The following SLC2A13 variants were observed in gnomAD, a reference collection of about 807,000 sequenced individuals.
SLC2A13 encodes the protein proton myo-inositol cotransporter.
A neutral mutation model predicts 64.4 loss-of-function variants in SLC2A13; 32 were observed. The observed-to-expected ratio is 0.50, with a 90% CI of 0.37 to 0.67. SLC2A13 has a LOEUF of 0.67. SLC2A13 is among the 30% of genes least tolerant of loss of function. The pLI, the probability that SLC2A13 is intolerant of heterozygous loss-of-function variation, is 0.00. For missense variants in SLC2A13, 743 were observed against 829.2 expected (o/e 0.90, Z 1.28); for synonymous variants, 338 against 327.1 (o/e 1.03, Z -0.36).
chr12:39,896,502 G>GTA (rs1402222295), intron 4 of SLC2A13, among the ~76,000 whole-genome samples: 6 of 144,716 alleles, frequency 4.1e-5, no homozygotes, highest in Admixed American at 1.4e-4. Flanking sequence ...ACACATATAT[G>GTA]TATGTACATG....
At chr12:39,942,397 T>C (rs1946047322) in intron 4 of SLC2A13, among the ~76,000 whole-genome samples, 1 of 152,204 alleles carries the variant, frequency 6.6e-6, no homozygotes, top group South Asian at 2.1e-4. Flanking sequence ...CAGTAGTGTT[T>C]TGTAGTTTTC....
intron 1 of SLC2A13, among the ~76,000 whole-genome samples, chr12:40,063,638 G>C (rs1279438724): frequency 6.6e-6 from 1 of 152,086 alleles, no homozygotes; most frequent in African/African-American, 2.4e-5. Context: ...GCAATGAAAT[G>C]ACAATAGCCA....
chr12:39,810,335 AG>A (rs1477283934), intron 7 of SLC2A13, among the ~76,000 whole-genome samples: 1 of 152,214 alleles, frequency 6.6e-6, no homozygotes, highest in Non-Finnish European at 1.5e-5. Flanking sequence ...GCCAATTGTT[AG>A]TAATAGAAAT....
At chr12:39,922,753 T>C (rs766561607) in intron 4 of SLC2A13, among the ~76,000 whole-genome samples, 5 of 152,130 alleles carry the variant, frequency 3.3e-5, no homozygotes, top group Non-Finnish European at 4.4e-5. Flanking sequence ...TCTAGTATTT[T>C]CACTAAATAC....
At chr12:39,802,413 A>T (rs896317060) in intron 7 of SLC2A13, 14 of 152,156 alleles carry the variant, frequency 9.2e-5, no homozygotes, top group African/African-American at 3.1e-4. Context: ...AAAGACTAAG[A>T]TGGTTGATGC....
In SLC2A13 at chr12:40,105,754, G is replaced by A; in HGVS notation, c.55C>T (p.Leu19=). The part of the protein sequence containing the change: ...VEYTLRSLSS[L]MGERRRKQPE... ...TGCTTCCTGCGCCGCTCGCCCATCAGGCTGCTCAGGCTCCGCAGCGTGTAC... is the reference window on the plus strand; with the variant it reads ...TGCTTCCTGCGCCGCTCGCCCATCAAGCTGCTCAGGCTCCGCAGCGTGTAC... Residue 19 remains leucine, a synonymous_variant, in exon 1 of 10, where the codon CTG becomes TTG. Coordinates refer to ENST00000280871, the MANE Select transcript of SLC2A13 (RefSeq NM_052885.4). This position sits in a 1 kb window ranked among gnomAD's most constrained non-coding sequence, Gnocchi z 4.2. The A allele has an allele frequency of 2.0e-6, 3 of 1,490,516 alleles. No individual in the cohort carries two copies. Among genetic ancestry groups the A allele is most frequent in the Non-Finnish European group, 2.7e-6 (3 of 1,120,726 alleles). 92.3% of individuals were successfully genotyped at this position (1,490,516 alleles called of 1,614,324 possible). A position where few individuals can be genotyped will look rare whatever the true frequency, so the allele number is the denominator to read the frequency against.
intron 6 of SLC2A13, among the ~76,000 whole-genome samples, chr12:39,842,734 A>G (rs1044970506): frequency 1.3e-5 from 2 of 152,026 alleles, no homozygotes; most frequent in African/African-American, 2.4e-5. Flanking sequence ...CAATTCCGGA[A>G]CATTTTCATT....
intron 2 of SLC2A13, among the ~76,000 whole-genome samples, chr12:40,029,180 A>C (rs1471999493): frequency 6.6e-6 from 1 of 152,186 alleles, no homozygotes; most frequent in African/African-American, 2.4e-5. Context: ...GGCAAAATTC[A>C]AAATAGCAAA....
chr12:39,790,488 T>C (rs1428487911), intron 7 of SLC2A13, among the ~76,000 whole-genome samples: 16 of 150,978 alleles, frequency 1.1e-4, no homozygotes, highest in Admixed American at 2.6e-4. Flanking sequence ...TTTGTTCTTG[T>C]GATAGTTTGC....
intron 9 of SLC2A13, among the ~76,000 whole-genome samples, chr12:39,760,513 T>C (rs1194858163): frequency 6.6e-6 from 1 of 152,000 alleles, no homozygotes; most frequent in African/African-American, 2.4e-5. Context: ...TTGAAGCCTT[T>C]CCTCCCTTCC....
At chr12:39,936,731 G>C (rs1945924360) in intron 4 of SLC2A13, among the ~76,000 whole-genome samples, 1 of 152,112 alleles carries the variant, frequency 6.6e-6, no homozygotes, top group African/African-American at 2.4e-5. Flanking sequence ...TAAAGGCTCG[G>C]GCAGCCAACT....
At position 39,933,665 on chromosome 12, in the gene SLC2A13, G is replaced by A. The variant is rs181075007; in HGVS notation, c.1034+17592C>T. On this transcript the variant is annotated intron_variant, in intron 4 of 9. Transcript: ENST00000280871. ...TGTGAAGGGTGCCCTGTGGCTCCAG[G>A]CCGTTCAGGAACCATAGCTTTAGTG... Among the ~76,000 whole-genome samples, 23 of 152,300 alleles carry A rather than the reference G, an allele frequency of 1.5e-4. No homozygotes were observed. In the East Asian group the frequency reaches 4.4e-3, roughly 29 times the overall value.
chr12:39,830,377 C>T (rs994623045), intron 6 of SLC2A13, 149 bp from the exon 7 acceptor site: 41 of 1,409,666 alleles, frequency 2.9e-5, no homozygotes, highest in Middle Eastern at 2.6e-4. Flanking sequence ...AAGTGACATG[C>T]GCTGAGCCAG....
intron 7 of SLC2A13, among the ~76,000 whole-genome samples, chr12:39,808,129 T>C (rs530011169): frequency 6.6e-6 from 1 of 152,292 alleles, no homozygotes; most frequent in South Asian, 2.1e-4. Context: ...CCAACTCCAG[T>C]CAATAACTGA....
intron 7 of SLC2A13, among the ~76,000 whole-genome samples, chr12:39,808,212 T>C: frequency 6.6e-6 from 1 of 152,174 alleles, no homozygotes; most frequent in Non-Finnish European, 1.5e-5. Context: ...GTATATATTG[T>C]TTTGTATCTG....
At chr12:39,797,861 G>T (rs1432726894) in intron 7 of SLC2A13, among the ~76,000 whole-genome samples, 2 of 151,664 alleles carry the variant, frequency 1.3e-5, no homozygotes, top group African/African-American at 2.4e-5. Flanking sequence ...TTTAATTAAA[G>T]AATACTTCTA....
At chr12:39,895,427 T>A (rs1464152994) in intron 4 of SLC2A13, among the ~76,000 whole-genome samples, 1 of 144,002 alleles carries the variant, frequency 6.9e-6, no homozygotes, top group African/African-American at 2.6e-5. Context: ...GAGGTGGAGC[T>A]TGCAGTGAGC....
At chr12:39,970,894 C>T (rs950976304) in intron 3 of SLC2A13, among the ~76,000 whole-genome samples, 1 of 152,120 alleles carries the variant, frequency 6.6e-6, no homozygotes, top group East Asian at 1.9e-4. Flanking sequence ...CCTTGAGTGA[C>T]CTTTTTTCCC....
intron 7 of SLC2A13, among the ~76,000 whole-genome samples, chr12:39,796,207 C>T (rs530917180): frequency 6.6e-6 from 1 of 152,304 alleles, no homozygotes; most frequent in South Asian, 2.1e-4. Context: ...ATTTCATTCA[C>T]TCCCACGATG....
Sources: allele counts gnomAD v4.1 joint callset (sites outside exome capture counted in the v4.1 genomes callset), GRCh38; gene constraint gnomAD v4.1.1; non-coding constraint Gnocchi (gnomAD v3.1); transcripts MANE v1.5; gene names NCBI Gene and HGNC (gene_info 2026-07-23, HGNC 2026-07-21).